CAMTA1: variants seen among roughly 807,000 people sequenced by gnomAD.
The protein encoded by CAMTA1 is calmodulin binding transcription activator 1.
A neutral mutation model predicts 170.9 loss-of-function variants in CAMTA1; 27 were observed. The observed-to-expected ratio is 0.16, with a 90% CI of 0.12 to 0.22. CAMTA1 has a LOEUF of 0.22. CAMTA1 is among the 10% of genes least tolerant of loss of function. The probability of loss-of-function intolerance (pLI) is 1.00; values close to 1 mark genes in which losing one functional copy is unlikely to be tolerated. For missense variants in CAMTA1, 1,619 were observed against 2,217.2 expected, an observed-to-expected ratio of 0.73 and a Z score of 5.42; for synonymous variants, 833 against 891.5, an observed-to-expected ratio of 0.93 and a Z score of 1.17.
chr1:7,133,954 G>A (rs1375477084), intron 4 of CAMTA1, among the ~76,000 whole-genome samples: 1 of 152,188 alleles, frequency 6.6e-6, no homozygotes, highest in Non-Finnish European at 1.5e-5. Context: ...TTTGTTACAT[G>A]GGTGTATTGT....
chr1:7,266,253 G>A (rs976691827), intron 5 of CAMTA1, among the ~76,000 whole-genome samples: 4 of 152,176 alleles, frequency 2.6e-5, no homozygotes, highest in Non-Finnish European at 5.9e-5. Context: ...CCTAGGCCTG[G>A]CCATGTGCCA....
At chr1:7,498,231 AGT>A (rs1351749046) in intron 6 of CAMTA1, among the ~76,000 whole-genome samples, 8 of 146,974 alleles carry the variant, frequency 5.4e-5, no homozygotes, top group Non-Finnish European at 1.2e-4. Context: ...TGTGTATGAG[AGT>A]GAGTGTGGAT....
intron 3 of CAMTA1, among the ~76,000 whole-genome samples, chr1:6,828,364 T>C (rs1648109686): frequency 7.1e-6 from 1 of 141,418 alleles, no homozygotes; most frequent in Non-Finnish European, 1.5e-5. Flanking sequence ...TGATCTTGGC[T>C]CACTGCAACC....
At chr1:7,297,845 A>G (rs1674194372) in intron 5 of CAMTA1, among the ~76,000 whole-genome samples, 1 of 152,190 alleles carries the variant, frequency 6.6e-6, no homozygotes, top group Non-Finnish European at 1.5e-5. Context: ...CCCTACAAAG[A>G]GTAGCCTCAG....
At chr1:7,727,223 C>T (rs979564301) in intron 11 of CAMTA1, among the ~76,000 whole-genome samples, 43 of 151,090 alleles carry the variant, frequency 2.8e-4, no homozygotes, top group Non-Finnish European at 3.8e-4. Context: ...CCTGGGTTCA[C>T]GCCATTCTCC....
chr1:7,072,854 T>C (rs1018177044), intron 3 of CAMTA1, among the ~76,000 whole-genome samples: 2 of 152,148 alleles, frequency 1.3e-5, no homozygotes, highest in Non-Finnish European at 2.9e-5. Flanking sequence ...GGGGACTGTG[T>C]GGCTGAGTGG....
intron 3 of CAMTA1, among the ~76,000 whole-genome samples, chr1:7,074,403 G>T (rs537101111): frequency 1.8e-4 from 27 of 152,260 alleles, no homozygotes; most frequent in African/African-American, 6.3e-4. Context: ...CATACTAATT[G>T]TAGAAAAATA....
chr1:7,583,401 G>A (rs2095278779), intron 6 of CAMTA1, among the ~76,000 whole-genome samples: 1 of 152,140 alleles, frequency 6.6e-6, no homozygotes, highest in African/African-American at 2.4e-5. Flanking sequence ...GCTCTAGGAA[G>A]CAGAGCTGGG....
At chr1:7,414,272 T>C (rs2149275589) in intron 5 of CAMTA1, among the ~76,000 whole-genome samples, 1 of 152,348 alleles carries the variant, frequency 6.6e-6, no homozygotes, top group African/African-American at 2.4e-5. Flanking sequence ...GCTGGCCTCA[T>C]AAAATGAGTT....
intron 1 of CAMTA1, chr1:6,806,871 A>G: frequency 4.9e-6 from 2 of 406,280 alleles, no homozygotes; most frequent in Non-Finnish European, 8.7e-6. Flanking sequence ...GAGGAATCAG[A>G]AGATATTTTA....
At chr1:7,616,404 A>G (rs2095558946) in intron 6 of CAMTA1, among the ~76,000 whole-genome samples, 1 of 152,244 alleles carries the variant, frequency 6.6e-6, no homozygotes, top group African/African-American at 2.4e-5. Flanking sequence ...GAAACCACTC[A>G]GGGTTTACCT....
At chr1:6,880,969 TG>T (rs1671404902) in intron 3 of CAMTA1, among the ~76,000 whole-genome samples, 1 of 152,184 alleles carries the variant, frequency 6.6e-6, no homozygotes, top group Admixed American at 6.5e-5. Flanking sequence ...AGTAATTGCG[TG>T]CTTATATATG....
In CAMTA1 at chr1:7,017,834, G is replaced by C. The variant is rs534505894; in HGVS notation, c.235-73470G>C. Among the ~76,000 whole-genome samples, 5 of 152,360 alleles carry C rather than the reference G, an allele frequency of 3.3e-5. No homozygotes were observed. In the South Asian group the frequency reaches 1.0e-3, roughly 32 times the overall value. On this transcript the variant is annotated intron_variant, in intron 3 of 22. Transcript: ENST00000303635. ...ACGGTTCACGTTGCCCCCAGCAGAA[G>C]TGGAGAGTAAGGGGCTCACTGGCTA...
rs573848591 is a variant in CAMTA1 at position 7,537,855 on chromosome 1, A to G, written c.510+69954A>G. 2.6e-5 allele frequency among the ~76,000 whole-genome samples: 4 copies of G among 152,338 alleles called. No individual in the cohort carries two copies. The East Asian group carries it at 7.7e-4, about 29-fold the overall frequency. ...TCGCCTTTTGGGGATAGAAAAAAAG[A>G]CTTTTTAAAATCTTTTTCATTCCCA... is the stretch of plus-strand genomic sequence containing the variant. On this transcript the variant is annotated intron_variant, in intron 6 of 22. Transcript: ENST00000303635.
At position 7,093,014 on chromosome 1, in the gene CAMTA1, A is replaced by G. The variant is rs1243941144; in HGVS notation, c.302+1643A>G. Reference sequence around the variant, plus strand: ...ATGGGGCTGGGAAGGACATCCCTCCACAGAGTGGGGGCAGGGGTGGGCGGT... The same window carrying G: ...ATGGGGCTGGGAAGGACATCCCTCCGCAGAGTGGGGGCAGGGGTGGGCGGT... On this transcript the variant is annotated intron_variant, in intron 4 of 22. Coordinates refer to ENST00000303635, the MANE Select transcript of CAMTA1 (RefSeq NM_015215.4). The surrounding 1 kb of genome is among the most constrained non-coding windows in gnomAD (Gnocchi z 4.6). Among the ~76,000 whole-genome samples, 1 of 152,170 alleles carries G rather than the reference A, an allele frequency of 6.6e-6. No homozygotes were observed. Among genetic ancestry groups the G allele is most frequent in the African/African-American group, 2.4e-5 (1 of 41,444 alleles).
intron 6 of CAMTA1, among the ~76,000 whole-genome samples, chr1:7,551,571 C>G (rs1318026952): frequency 6.6e-6 from 1 of 152,196 alleles, no homozygotes; most frequent in Non-Finnish European, 1.5e-5. Context: ...CTCCCAGCAG[C>G]CCCCTCCCCT....
intron 5 of CAMTA1, among the ~76,000 whole-genome samples, chr1:7,451,857 C>T (rs2092832671): frequency 6.6e-6 from 1 of 152,196 alleles, no homozygotes. Context: ...TGTCCAGTAG[C>T]TCTGCTGGGC....
At chr1:6,853,740 C>G (rs1276446918) in intron 3 of CAMTA1, among the ~76,000 whole-genome samples, 2 of 152,104 alleles carry the variant, frequency 1.3e-5, no homozygotes, top group Non-Finnish European at 2.9e-5. Context: ...CCATATTACT[C>G]AAACATTAAA....
chr1:6,797,641 C>T (rs1642859015), intron 1 of CAMTA1, among the ~76,000 whole-genome samples: 1 of 152,100 alleles, frequency 6.6e-6, no homozygotes, highest in South Asian at 2.1e-4. Context: ...CCTGCCTCTG[C>T]CTCCCAAAGT....
Sources: gnomAD v4.1 joint callset for allele counts (sites outside exome capture counted in the v4.1 genomes callset) on GRCh38, gnomAD v4.1.1 for gene constraint, Gnocchi (gnomAD v3.1) non-coding constraint, MANE v1.5 for transcripts, NCBI Gene and HGNC (gene_info 2026-07-23, HGNC 2026-07-21) for gene names.